Variants in FHOD3 observed in about 807,000 individuals in gnomAD.
FHOD3 encodes the protein formin homology 2 domain containing 3.
FHOD3 carries 90 observed loss-of-function variants against 173.0 expected under a neutral mutation model. The ratio of observed to expected loss-of-function variants is 0.52; its 90% CI spans 0.44 to 0.62. FHOD3 has a LOEUF of 0.62. Ranked by LOEUF, FHOD3 falls within the 20% of genes least tolerant of loss-of-function variation. The probability of loss-of-function intolerance (pLI) is 0.00; values close to 1 mark genes in which losing one functional copy is unlikely to be tolerated. For missense variants in FHOD3, 1,945 were observed against 2,034.7 expected (o/e 0.96, Z 0.85); for synonymous variants, 828 against 823.0 (o/e 1.01, Z -0.10).
chr18:36,537,456 C>A (rs1244959710), intron 5 of FHOD3, among the ~76,000 whole-genome samples: 1 of 152,154 alleles, frequency 6.6e-6, no homozygotes, highest in Non-Finnish European at 1.5e-5. Context: ...CCAGTGGACA[C>A]CACATGGGGA....
chr18:36,504,673 G>T (rs1025802495), intron 4 of FHOD3, among the ~76,000 whole-genome samples: 1 of 151,906 alleles, frequency 6.6e-6, no homozygotes, highest in Non-Finnish European at 1.5e-5. Context: ...CAGCACACCA[G>T]CATGGCACAT....
chr18:36,473,483 A>T (rs910525343), intron 3 of FHOD3, among the ~76,000 whole-genome samples: 4 of 152,170 alleles, frequency 2.6e-5, no homozygotes, highest in Non-Finnish European at 5.9e-5. Flanking sequence ...CCAATTCCTG[A>T]TCCCTGGGTG....
intron 9 of FHOD3, among the ~76,000 whole-genome samples, chr18:36,618,362 G>GGAGT (rs1268916792): frequency 7.1e-6 from 1 of 140,778 alleles, no homozygotes; most frequent in African/African-American, 2.7e-5. Context: ...TGCCCAGGCT[G>GGAGT]GAGTGCAAGG....
chr18:36,425,917 T>C (rs79263028), intron 3 of FHOD3, among the ~76,000 whole-genome samples: 1 of 151,340 alleles, frequency 6.6e-6, no homozygotes, highest in African/African-American at 2.4e-5. Context: ...TTTTTTTTTT[T>C]CGAGACGAAA....
At chr18:36,455,021 G>A (rs1379587719) in intron 3 of FHOD3, among the ~76,000 whole-genome samples, 2 of 152,202 alleles carry the variant, frequency 1.3e-5, no homozygotes, top group African/African-American at 4.8e-5. Flanking sequence ...CTAATATGAG[G>A]TTGACTCTTT....
intron 14 of FHOD3, among the ~76,000 whole-genome samples, chr18:36,670,858 G>T (rs1188069458): frequency 6.6e-6 from 1 of 152,096 alleles, no homozygotes; most frequent in Non-Finnish European, 1.5e-5. Context: ...ATCCTTGCAG[G>T]TCTTGCATAA....
At chr18:36,425,718 C>T (rs1478975173) in intron 3 of FHOD3, among the ~76,000 whole-genome samples, 1 of 152,082 alleles carries the variant, frequency 6.6e-6, no homozygotes. Flanking sequence ...GTTGCTTTAG[C>T]ACCAGTCATG....
intron 3 of FHOD3, among the ~76,000 whole-genome samples, chr18:36,438,261 T>C (rs1393458513): frequency 1.3e-5 from 2 of 152,212 alleles, no homozygotes; most frequent in Non-Finnish European, 2.9e-5. Flanking sequence ...CTCAGCTCTC[T>C]GCATTTCTCC....
At chr18:36,733,731 C>T (rs1249115927) in intron 20 of FHOD3, among the ~76,000 whole-genome samples, 2 of 152,190 alleles carry the variant, frequency 1.3e-5, no homozygotes, top group Non-Finnish European at 2.9e-5. Context: ...AGTAGCAGCA[C>T]AGCACCAAAT....
chr18:36,773,264 C>G (rs142140921), intron 28 of FHOD3, among the ~76,000 whole-genome samples: 5 of 152,190 alleles, frequency 3.3e-5, no homozygotes, highest in South Asian at 2.1e-4. Flanking sequence ...AAGTCCCCCC[C>G]ACAGTGTCCG....
chr18:36,417,763 C>T (rs909380852), intron 3 of FHOD3, among the ~76,000 whole-genome samples: 4 of 152,152 alleles, frequency 2.6e-5, no homozygotes, highest in Non-Finnish European at 5.9e-5. Context: ...AAATATGAAG[C>T]CTTTAGCCAA....
chr18:36,773,469 T>G (rs901440118), intron 28 of FHOD3, among the ~76,000 whole-genome samples: 1 of 152,294 alleles, frequency 6.6e-6, no homozygotes, highest in Admixed American at 6.5e-5. Context: ...TGGAATCCAT[T>G]TCCATGCTCA....
intron 3 of FHOD3, among the ~76,000 whole-genome samples, chr18:36,401,281 C>T (rs997544074): frequency 2.0e-5 from 3 of 152,172 alleles, no homozygotes; most frequent in African/African-American, 7.2e-5. Flanking sequence ...TCCCCTTCCA[C>T]CCTATGAGGA....
intron 1 of FHOD3, among the ~76,000 whole-genome samples, chr18:36,309,701 G>A (rs920295907): frequency 6.6e-6 from 1 of 152,226 alleles, no homozygotes; most frequent in African/African-American, 2.4e-5. Context: ...AGCACCATGT[G>A]CCTGGGAGCA....
chr18:36,629,426 C>T (rs1309217218), intron 10 of FHOD3, among the ~76,000 whole-genome samples: 2 of 152,140 alleles, frequency 1.3e-5, no homozygotes, highest in Non-Finnish European at 1.5e-5. Context: ...TCTTAGCTCA[C>T]AGGCCGTATA....
intron 3 of FHOD3, among the ~76,000 whole-genome samples, chr18:36,406,783 G>A (rs924356713): frequency 2.6e-5 from 4 of 152,190 alleles, no homozygotes; most frequent in African/African-American, 9.7e-5. Flanking sequence ...AAGAGAAGAG[G>A]CTGTTGGCAG....
At chr18:36,353,015 G>T (rs1247904874) in intron 1 of FHOD3, among the ~76,000 whole-genome samples, 1 of 152,208 alleles carries the variant, frequency 6.6e-6, no homozygotes, top group Non-Finnish European at 1.5e-5. Flanking sequence ...GACACCTTCT[G>T]CAGGAACTCT....
Position 36,598,872 on chromosome 18 carries a change from C to T in FHOD3, c.719-3802C>T, listed in dbSNP as rs528091848. On this transcript the variant is annotated intron_variant, in intron 7 of 28. Transcript: ENST00000590592. Reference sequence around the variant, plus strand: ...CCAAAGAAGGAAAATTTAAAATGTTCCATTTGACCCAGGCTATTGCACTTT... The same window carrying T: ...CCAAAGAAGGAAAATTTAAAATGTTTCATTTGACCCAGGCTATTGCACTTT... 2.7e-3 allele frequency among the ~76,000 whole-genome samples: 406 copies of T among 152,268 alleles called. 1 individual carries two copies. Among genetic ancestry groups the T allele is most frequent in the Non-Finnish European group, 4.9e-3 (333 of 68,032 alleles).
intron 1 of FHOD3, among the ~76,000 whole-genome samples, chr18:36,328,364 G>T (rs755556174): frequency 6.6e-6 from 1 of 152,166 alleles, no homozygotes; most frequent in East Asian, 1.9e-4. Context: ...CTTTCTGGGT[G>T]GGGGGAACAG....
Sources: gnomAD v4.1 joint callset for allele counts (sites outside exome capture counted in the v4.1 genomes callset) on GRCh38, gnomAD v4.1.1 for gene constraint, MANE v1.5 for transcripts, NCBI Gene and HGNC (gene_info 2026-07-23, HGNC 2026-07-21) for gene names.